Variants in GARRE1 observed in about 807,000 individuals in gnomAD.
GARRE1 encodes granule associated Rac and RHOG effector protein 1.
A neutral mutation model predicts 103.2 loss-of-function variants in GARRE1; 49 were observed. That is an observed-to-expected ratio of 0.47 (90% CI 0.38 to 0.60). GARRE1 has a LOEUF of 0.60. Ranked by LOEUF, GARRE1 falls within the 20% of genes least tolerant of loss-of-function variation. GARRE1 has a pLI of 0.00. For missense variants in GARRE1, 1,199 were observed against 1,370.5 expected, an observed-to-expected ratio of 0.87 and a Z score of 1.98; for synonymous variants, 505 against 532.8, an observed-to-expected ratio of 0.95 and a Z score of 0.72.
intron 2 of GARRE1, among the ~76,000 whole-genome samples, chr19:34,305,795 T>G (rs1188481606): frequency 6.6e-6 from 1 of 152,258 alleles, no homozygotes; most frequent in Non-Finnish European, 1.5e-5. Flanking sequence ...TTTGGAATTT[T>G]GACTTGGCTT....
intron 1 of GARRE1, among the ~76,000 whole-genome samples, chr19:34,274,590 C>T (rs2073806065): frequency 1.3e-5 from 2 of 152,174 alleles, no homozygotes; most frequent in Non-Finnish European, 2.9e-5. Flanking sequence ...GACCTGTCCA[C>T]TAGGCAGTTG....
chr19:34,319,167 G>A (rs914345804), intron 2 of GARRE1, among the ~76,000 whole-genome samples: 5 of 152,190 alleles, frequency 3.3e-5, no homozygotes, highest in African/African-American at 9.7e-5. Context: ...ATCTGAAAAT[G>A]TTTGTGGCAC....
chr19:34,264,713 T>C (rs186735554), intron 1 of GARRE1, among the ~76,000 whole-genome samples: 1 of 152,344 alleles, frequency 6.6e-6, no homozygotes, highest in East Asian at 1.9e-4. Context: ...GTCATTGTTA[T>C]ATGGCAGAGT....
At chr19:34,261,089 C>G (rs1457739224) in intron 1 of GARRE1, among the ~76,000 whole-genome samples, 1 of 152,188 alleles carries the variant, frequency 6.6e-6, no homozygotes, top group African/African-American at 2.4e-5. Context: ...GCAAGGGTCT[C>G]TCCCTTGCTT....
chr19:34,268,051 C>A (rs979376277), intron 1 of GARRE1, among the ~76,000 whole-genome samples: 1 of 151,588 alleles, frequency 6.6e-6, no homozygotes, highest in Non-Finnish European at 1.5e-5. Flanking sequence ...GGATTAGAGG[C>A]GTGAACCACT....
At chr19:34,283,046 A>T (rs558553852) in intron 1 of GARRE1, among the ~76,000 whole-genome samples, 1 of 152,104 alleles carries the variant, frequency 6.6e-6, no homozygotes, top group African/African-American at 2.4e-5. Context: ...TTTGGGGAGG[A>T]TGGAGAGGTA....
intron 2 of GARRE1, among the ~76,000 whole-genome samples, chr19:34,310,370 T>G (rs1165190955): frequency 6.6e-6 from 1 of 152,216 alleles, no homozygotes; most frequent in Non-Finnish European, 1.5e-5. Context: ...GTGTCCTATG[T>G]GTCTGCTGCC....
At chr19:34,348,727 G>C (rs1233699248) in intron 11 of GARRE1, 4 of 381,124 alleles carry the variant, frequency 1.0e-5, no homozygotes, top group Non-Finnish European at 1.5e-5. Flanking sequence ...TAGGTATTAA[G>C]CCCAGCATCC....
At chr19:34,335,393 A>G (rs1017279967) in intron 8 of GARRE1, among the ~76,000 whole-genome samples, 1 of 152,278 alleles carries the variant, frequency 6.6e-6, no homozygotes, top group African/African-American at 2.4e-5. Flanking sequence ...GGTAATCTGC[A>G]TGAATATTTA....
At chr19:34,352,294 CAG>C (rs2074241956) in intron 13 of GARRE1, among the ~76,000 whole-genome samples, 1 of 151,042 alleles carries the variant, frequency 6.6e-6, no homozygotes, top group Non-Finnish European at 1.5e-5. Context: ...CCGAGCTACT[CAG>C]AAGGCTGAGA....
chr19:34,321,214 GC>G (rs2074086944), intron 3 of GARRE1, among the ~76,000 whole-genome samples: 1 of 136,210 alleles, frequency 7.3e-6, no homozygotes, highest in Non-Finnish European at 1.6e-5. Flanking sequence ...CCGCCACCAA[GC>G]CCGGCTAATT....
intron 8 of GARRE1, among the ~76,000 whole-genome samples, chr19:34,334,993 A>C (rs1053601691): frequency 6.6e-6 from 1 of 152,022 alleles, no homozygotes. Flanking sequence ...CAGTGAGCCG[A>C]GATCGTGCCA....
intron 1 of GARRE1, among the ~76,000 whole-genome samples, chr19:34,284,306 G>A (rs956844368): frequency 1.1e-4 from 17 of 151,808 alleles, no homozygotes; most frequent in African/African-American, 1.9e-4. Context: ...TGTATTTTTA[G>A]TAGAGACAGG....
chr19:34,309,074 CT>C (rs1412295249), intron 2 of GARRE1, among the ~76,000 whole-genome samples: 1 of 121,132 alleles, frequency 8.3e-6, no homozygotes, highest in African/African-American at 2.5e-5. Context: ...ACTTCTCCCT[CT>C]TTAAAAAAAA....
At chr19:34,342,838 CTT>C (rs879824769) in intron 10 of GARRE1, among the ~76,000 whole-genome samples, 16 of 143,766 alleles carry the variant, frequency 1.1e-4, no homozygotes, top group African/African-American at 1.0e-4. Flanking sequence ...CTTTGCGATG[CTT>C]TTTTTTTTTG....
At chr19:34,299,485 G>A (rs1220822205) in intron 1 of GARRE1, among the ~76,000 whole-genome samples, 194 bp from the exon 2 acceptor site, 2 of 152,150 alleles carry the variant, frequency 1.3e-5, no homozygotes, top group Non-Finnish European at 1.5e-5. Flanking sequence ...CATTGTTTTT[G>A]TATTACTACT....
At chr19:34,327,123 C>T (rs980587007) in intron 3 of GARRE1, among the ~76,000 whole-genome samples, 2 of 151,022 alleles carry the variant, frequency 1.3e-5, no homozygotes, top group Non-Finnish European at 2.9e-5. Context: ...CCACTACACT[C>T]CAGCCAGGGT....
At chr19:34,341,387 C>CTTT in intron 9 of GARRE1, 35 bp from the exon 10 acceptor site, 1 of 1,120,502 alleles carries the variant, frequency 8.9e-7, no homozygotes, top group Admixed American at 2.3e-5. Flanking sequence ...ATATATTTGT[C>CTTT]TTTTTTTTTT....
At chr19:34,331,680 T>TA (rs1313519011) in intron 7 of GARRE1, among the ~76,000 whole-genome samples, 4 of 152,190 alleles carry the variant, frequency 2.6e-5, no homozygotes, top group Non-Finnish European at 2.9e-5. Flanking sequence ...TCTCCCTTTC[T>TA]AGTAAACGAC....
Sources: allele counts gnomAD v4.1 joint callset (sites outside exome capture counted in the v4.1 genomes callset), GRCh38; gene constraint gnomAD v4.1.1; transcripts MANE v1.5; gene names NCBI Gene and HGNC (gene_info 2026-07-23, HGNC 2026-07-21).